The following IPCEF1 variants were observed in gnomAD, a reference collection of about 807,000 sequenced individuals.
IPCEF1 encodes the protein interactor protein for cytohesin exchange factors 1.
Under a neutral mutation model 50.9 loss-of-function variants are expected in IPCEF1, and 31 were observed. The observed-to-expected ratio is 0.61, with a 90% confidence interval of 0.46 to 0.82. IPCEF1 has a LOEUF of 0.82. Ranked by LOEUF, IPCEF1 falls within the 40% of genes least tolerant of loss-of-function variation. The probability of loss-of-function intolerance (pLI) is 0.00; values close to 1 mark genes in which losing one functional copy is unlikely to be tolerated. For synonymous variants in IPCEF1, 181 were observed against 192.0 expected, an observed-to-expected ratio of 0.94 and a Z score of 0.47; for missense variants, 458 against 514.0, an observed-to-expected ratio of 0.89 and a Z score of 1.05.
At chr6:154,288,068 C>T (rs1354978506) in intron 2 of IPCEF1, among the ~76,000 whole-genome samples, 1 of 152,082 alleles carries the variant, frequency 6.6e-6, no homozygotes, top group East Asian at 1.9e-4. Context: ...TGCACCAAAG[C>T]TAATTTGTAT....
chr6:154,214,358 AT>A, intron 7 of IPCEF1, 82 bp from the exon 8 acceptor site: 1 of 960,038 alleles, frequency 1.0e-6, no homozygotes, highest in Non-Finnish European at 1.7e-6. Flanking sequence ...TTGTTATGAA[AT>A]TAGGTCATGA....
chr6:154,304,736 G>A (rs960960636), intron 1 of IPCEF1, among the ~76,000 whole-genome samples: 28 of 152,044 alleles, frequency 1.8e-4, no homozygotes, highest in South Asian at 4.1e-4. Flanking sequence ...TCATACCTGG[G>A]AAATTTCCTG....
chr6:154,295,661 A>G (rs943406334), intron 1 of IPCEF1, among the ~76,000 whole-genome samples: 3 of 152,192 alleles, frequency 2.0e-5, no homozygotes, highest in Non-Finnish European at 4.4e-5. Context: ...CAGCAGCCCC[A>G]TGGCTCTCCC....
At chr6:154,208,430 A>G (rs1260331487) in intron 9 of IPCEF1, among the ~76,000 whole-genome samples, 1 of 152,002 alleles carries the variant, frequency 6.6e-6, no homozygotes, top group Non-Finnish European at 1.5e-5. Context: ...CCACAACCCA[A>G]TCTCTACCCC....
rs1798704371 is a variant in IPCEF1, at chr6:154,156,134, A to G, written c.*3694T>C. ...CAGCACCTCCCAAGTAGTCTAATGT[A>G]CAGAAAGAAAAGAAAGGAAACACAG... On this transcript the variant is annotated 3_prime_UTR_variant, in exon 12 of 12. Transcript: ENST00000367220. 6.6e-6 allele frequency: 1 copy of G among 152,286 alleles called. No homozygotes were observed. The highest frequency in any genetic ancestry group is 1.5e-5 in the Non-Finnish European group (1 of 68,058). 9.4% of individuals were successfully genotyped at this position (152,286 alleles called of 1,614,324 possible).
At chr6:154,252,623 C>T (rs556057069) in intron 3 of IPCEF1, among the ~76,000 whole-genome samples, 7 of 151,944 alleles carry the variant, frequency 4.6e-5, no homozygotes, top group South Asian at 4.2e-4. Flanking sequence ...TGCAGTATGC[C>T]GAGATCATGC....
intron 2 of IPCEF1, among the ~76,000 whole-genome samples, chr6:154,268,562 T>A (rs1222120439): frequency 2.0e-5 from 3 of 152,184 alleles, no homozygotes; most frequent in Admixed American, 6.5e-5. Flanking sequence ...TCTGGCCCAG[T>A]GATTTTTTTC....
intron 10 of IPCEF1, among the ~76,000 whole-genome samples, chr6:154,173,387 TG>T: frequency 6.6e-6 from 1 of 152,212 alleles, no homozygotes; most frequent in South Asian, 2.1e-4. Context: ...TAAAGAAGCA[TG>T]TTCTAACCCA....
chr6:154,342,376 T>C (rs796727758), intron 1 of IPCEF1, among the ~76,000 whole-genome samples: 9 of 152,326 alleles, frequency 5.9e-5, no homozygotes, highest in African/African-American at 2.2e-4. Context: ...AAAATGTAGA[T>C]TTCTGGGCAT....
At chr6:154,228,414 C>T (rs903334952) in intron 5 of IPCEF1, among the ~76,000 whole-genome samples, 46 of 152,190 alleles carry the variant, frequency 3.0e-4, no homozygotes, top group African/African-American at 1.1e-3. Flanking sequence ...TCAAACCCAT[C>T]GTTTGGCCAT....
chr6:154,321,116 C>T (rs563972189), intron 1 of IPCEF1, among the ~76,000 whole-genome samples: 16 of 151,486 alleles, frequency 1.1e-4, no homozygotes, highest in South Asian at 8.4e-4. Context: ...TTTTTTGTAG[C>T]GACGGGGTTT....
intron 9 of IPCEF1, among the ~76,000 whole-genome samples, chr6:154,206,418 A>G (rs1777500588): frequency 6.6e-6 from 1 of 152,206 alleles, no homozygotes; most frequent in South Asian, 2.1e-4. Flanking sequence ...AGTCACAATA[A>G]TCACTCACCC....
intron 1 of IPCEF1, among the ~76,000 whole-genome samples, chr6:154,334,202 T>C (rs1016138721): frequency 2.0e-5 from 3 of 152,176 alleles, no homozygotes; most frequent in Admixed American, 6.5e-5. Context: ...TAGTAACTCA[T>C]AACAATTTAA....
chr6:154,205,888 G>T (rs980327137), intron 9 of IPCEF1, among the ~76,000 whole-genome samples: 5 of 151,856 alleles, frequency 3.3e-5, no homozygotes, highest in African/African-American at 1.2e-4. Flanking sequence ...CTCCAACTAG[G>T]ATTACAATAG....
chr6:154,248,338 T>TGTGTGTGTAG (rs1554298775), intron 3 of IPCEF1, among the ~76,000 whole-genome samples: 62 of 149,094 alleles, frequency 4.2e-4, no homozygotes, highest in South Asian at 1.5e-3. Flanking sequence ...TGTGTGTGTG[T>TGTGTGTGTAG]AGAGAGAGAG....
chr6:154,167,176 C>A (rs565106062), intron 11 of IPCEF1, among the ~76,000 whole-genome samples: 1 of 152,216 alleles, frequency 6.6e-6, no homozygotes, highest in Non-Finnish European at 1.5e-5. Flanking sequence ...TCAGATAAAT[C>A]GTCTGCTAAA....
rs1273669914 is a variant in IPCEF1, at chr6:154,158,060, T to C, written c.*1768A>G. 2.6e-5 allele frequency: 4 copies of C among 152,276 alleles called. No individual in the cohort carries two copies. The highest frequency in any genetic ancestry group is 9.6e-5 in the African/African-American group (4 of 41,462). The allele number at this position is 152,276 out of a possible 1,614,324, so 9.4% of individuals were successfully genotyped here. A position where few individuals can be genotyped will look rare whatever the true frequency, so the allele number is the denominator to read the frequency against. On this transcript the variant is annotated 3_prime_UTR_variant, in exon 12 of 12. Coordinates refer to ENST00000367220, the MANE Select transcript of IPCEF1 (RefSeq NM_001130700.2). ...AGTACAACTTGCTTCTTGTTTTTTGTTTTTATTTCTTAATGCTAAGGTTGT... is the reference window on the plus strand; with the variant it reads ...AGTACAACTTGCTTCTTGTTTTTTGCTTTTATTTCTTAATGCTAAGGTTGT...
chr6:154,255,519 A>C (rs921472664), intron 3 of IPCEF1, among the ~76,000 whole-genome samples: 2 of 152,138 alleles, frequency 1.3e-5, no homozygotes, highest in African/African-American at 4.8e-5. Flanking sequence ...ACTTATCTTT[A>C]TTTATACTGC....
intron 1 of IPCEF1, among the ~76,000 whole-genome samples, chr6:154,295,901 A>G (rs1182613366): frequency 1.6e-5 from 1 of 61,706 alleles, no homozygotes; most frequent in Non-Finnish European, 2.8e-5. Flanking sequence ...GCGTACACAC[A>G]CACACACACG....
Sources: gnomAD v4.1 joint callset for allele counts (sites outside exome capture counted in the v4.1 genomes callset) on GRCh38, gnomAD v4.1.1 for gene constraint, MANE v1.5 for transcripts, NCBI Gene and HGNC (gene_info 2026-07-23, HGNC 2026-07-21) for gene names.